The following DCDC1 variants were observed in gnomAD, a reference collection of about 807,000 sequenced individuals.
DCDC1 encodes doublecortin domain containing 1, also known as doublecortin domain-containing protein 1.
DCDC1 carries 200 observed loss-of-function variants against 178.3 expected under a neutral mutation model. The ratio of observed to expected loss-of-function variants is 1.12; its 90% confidence interval spans 1.00 to 1.26. DCDC1 has a LOEUF of 1.26. DCDC1 is among the 50% of genes most tolerant of loss of function. The pLI, the probability that DCDC1 is intolerant of heterozygous loss-of-function variation, is 0.00. For synonymous variants in DCDC1, 690 were observed against 604.8 expected, an observed-to-expected ratio of 1.14 and a Z score of -2.07; for missense variants, 1,983 against 1,749.2, an observed-to-expected ratio of 1.13 and a Z score of -2.38.
chr11:31,233,401 T>C (rs1976061105), intron 9 of DCDC1, among the ~76,000 whole-genome samples: 1 of 152,242 alleles, frequency 6.6e-6, no homozygotes, highest in Non-Finnish European at 1.5e-5. Context: ...AGAATTCTCC[T>C]GTATTTTCAA....
chr11:31,312,251 A>G (rs1948813941), intron 3 of DCDC1, among the ~76,000 whole-genome samples: 1 of 152,220 alleles, frequency 6.6e-6, no homozygotes, highest in Admixed American at 6.5e-5. Flanking sequence ...TAATGCCTAC[A>G]TAGCATTTAT....
At chr11:31,302,896 T>C (rs1948207835) in intron 6 of DCDC1, among the ~76,000 whole-genome samples, 2 of 152,244 alleles carry the variant, frequency 1.3e-5, no homozygotes, top group Non-Finnish European at 2.9e-5. Flanking sequence ...CACTGAAGTA[T>C]AGATATATAA....
intron 21 of DCDC1, among the ~76,000 whole-genome samples, chr11:30,935,632 C>A (rs1399997493): frequency 2.0e-5 from 3 of 151,924 alleles, no homozygotes; most frequent in Admixed American, 6.6e-5. Context: ...CAGCTCACTG[C>A]AACCTTTGCC....
At chr11:31,046,261 T>C (rs572634869) in intron 20 of DCDC1, among the ~76,000 whole-genome samples, 1 of 152,322 alleles carries the variant, frequency 6.6e-6, no homozygotes, top group South Asian at 2.1e-4. Context: ...CTGTGGTTCA[T>C]ACAAGTTGTT....
chr11:31,218,272 A>G (rs1353608104), intron 9 of DCDC1, among the ~76,000 whole-genome samples: 1 of 152,152 alleles, frequency 6.6e-6, no homozygotes, highest in East Asian at 1.9e-4. Flanking sequence ...GCAATTGATA[A>G]TACACATTGG....
chr11:30,945,994 C>CA (rs1322585667), intron 21 of DCDC1, among the ~76,000 whole-genome samples: 1 of 151,994 alleles, frequency 6.6e-6, no homozygotes, highest in East Asian at 1.9e-4. Context: ...CCTATTCAAT[C>CA]AAATTGAAGG....
intron 8 of DCDC1, among the ~76,000 whole-genome samples, chr11:31,253,812 A>G (rs1336740849): frequency 6.6e-6 from 1 of 152,198 alleles, no homozygotes; most frequent in Non-Finnish European, 1.5e-5. Flanking sequence ...GAGATAATAC[A>G]GTGTATTCCA....
chr11:31,085,325 T>A (rs1040460580), intron 17 of DCDC1, among the ~76,000 whole-genome samples: 6 of 151,754 alleles, frequency 4.0e-5, no homozygotes, highest in Non-Finnish European at 8.9e-5. Context: ...CATATCCACA[T>A]CTGTCATGCA....
At chr11:31,280,333 T>C (rs1946334647) in intron 7 of DCDC1, among the ~76,000 whole-genome samples, 2 of 152,208 alleles carry the variant, frequency 1.3e-5, no homozygotes, top group Non-Finnish European at 2.9e-5. Flanking sequence ...ACCAGTTACA[T>C]ACATCTAAAT....
intron 20 of DCDC1, among the ~76,000 whole-genome samples, chr11:30,964,108 C>T (rs73465172): frequency 0.041 from 6,249 of 152,122 alleles, 420 homozygotes; most frequent in African/African-American, 0.14. Flanking sequence ...AGGGCCACTC[C>T]TAGGGTGTGC....
chr11:31,166,620 G>C (rs553578884), intron 9 of DCDC1, among the ~76,000 whole-genome samples: 10 of 152,070 alleles, frequency 6.6e-5, no homozygotes, highest in Middle Eastern at 3.4e-3. Flanking sequence ...TGATATATGT[G>C]GGTCATCATT....
At chr11:30,894,413 T>C (rs759735531) in intron 34 of DCDC1, 29 bp from the exon 35 acceptor site, 2 of 1,605,418 alleles carry the variant, frequency 1.2e-6, no homozygotes, top group Non-Finnish European at 1.7e-6. Flanking sequence ...AGAAATTTTG[T>C]TTCTGATGAT....
At chr11:31,278,187 T>C (rs1380997391) in intron 7 of DCDC1, among the ~76,000 whole-genome samples, 5 of 152,136 alleles carry the variant, frequency 3.3e-5, no homozygotes, top group African/African-American at 1.2e-4. Flanking sequence ...GATTTACCCA[T>C]GTATGTGTGG....
chr11:30,893,834 A>G (rs1415543039), intron 35 of DCDC1, among the ~76,000 whole-genome samples: 1 of 152,066 alleles, frequency 6.6e-6, no homozygotes, highest in Non-Finnish European at 1.5e-5. Context: ...GACTGAAACC[A>G]CTTCTTTAAT....
chr11:31,007,003 T>C (rs1262696787), intron 20 of DCDC1, among the ~76,000 whole-genome samples: 2 of 152,198 alleles, frequency 1.3e-5, no homozygotes. Context: ...CTCCTCTCTG[T>C]TCATTATTCT....
chr11:31,343,316 T>C (rs2133233789), intron 1 of DCDC1, among the ~76,000 whole-genome samples: 1 of 151,992 alleles, frequency 6.6e-6, no homozygotes, highest in South Asian at 2.1e-4. Context: ...AGACCCTGTC[T>C]TTTTTTTGAG....
chr11:31,291,189 T>A (rs747866815), intron 6 of DCDC1, among the ~76,000 whole-genome samples: 1 of 152,042 alleles, frequency 6.6e-6, no homozygotes, highest in Non-Finnish European at 1.5e-5. Flanking sequence ...ATTGAAAATA[T>A]CCAGTGTCCT....
intron 36 of DCDC1, among the ~76,000 whole-genome samples, chr11:30,888,971 A>C (rs879929841): frequency 3.3e-5 from 5 of 152,032 alleles, no homozygotes; most frequent in Admixed American, 6.5e-5. Context: ...ACTATTGCAC[A>C]CTCCCTGTGG....
chr11:31,362,090 T>C (rs528946750), intron 1 of DCDC1, among the ~76,000 whole-genome samples: 1 of 152,302 alleles, frequency 6.6e-6, no homozygotes, highest in East Asian at 1.9e-4. Context: ...TAAGAGTATC[T>C]TTCTCTATAC....
Sources: gnomAD v4.1 joint callset for allele counts (sites outside exome capture counted in the v4.1 genomes callset) on GRCh38, gnomAD v4.1.1 for gene constraint, MANE v1.5 for transcripts, NCBI Gene and HGNC (gene_info 2026-07-23, HGNC 2026-07-21) for gene names.